CAST: variants seen among roughly 807,000 people sequenced by gnomAD.
CAST encodes the protein calpastatin, also known as MIR583 host.
A neutral mutation model predicts 119.6 loss-of-function variants in CAST; 76 were observed. The ratio of observed to expected loss-of-function variants is 0.64; its 90% CI spans 0.53 to 0.77. The LOEUF is 0.77. Among genes scored for constraint, CAST ranks in the 30% least tolerant of loss-of-function variants. The pLI, the probability that CAST is intolerant of heterozygous loss-of-function variation, is 0.00. For missense variants in CAST, 953 were observed against 946.5 expected (o/e 1.01, Z -0.09); for synonymous variants, 319 against 331.6 (o/e 0.96, Z 0.41).
At chr5:96,107,052 C>T in the CAST span, among the ~76,000 whole-genome samples, 18 of 142,906 alleles carry the variant, frequency 1.3e-4, no homozygotes, top group African/African-American at 4.7e-4. Flanking sequence ...CAACCCCTGC[C>T]TTTTTTTGTT....
chr5:96,181,536 C>T, the CAST span, among the ~76,000 whole-genome samples: 2 of 152,178 alleles, frequency 1.3e-5, no homozygotes, highest in Admixed American at 1.3e-4. Flanking sequence ...CTCTCCATTG[C>T]GTAGCTGTGA....
the CAST span, among the ~76,000 whole-genome samples, chr5:96,005,707 A>G: frequency 6.6e-6 from 1 of 152,176 alleles, no homozygotes; most frequent in Non-Finnish European, 1.5e-5. Context: ...AACGTGTGAT[A>G]GGGGAAACTG....
chr5:96,400,016 C>T, the CAST span: 1 of 1,614,206 alleles, frequency 6.2e-7, no homozygotes. Context: ...CCTCCAGGTC[C>T]TGGGGTCAGC....
the CAST span, among the ~76,000 whole-genome samples, chr5:96,053,248 A>G: frequency 0.06 from 9,194 of 152,174 alleles, 568 homozygotes; most frequent in African/African-American, 0.14. Context: ...AATTGGTCTG[A>G]GGTACAGCCT....
At chr5:96,688,463 T>C (rs1460990722) in intron 2 of CAST, among the ~76,000 whole-genome samples, 2 of 152,162 alleles carry the variant, frequency 1.3e-5, no homozygotes, top group Non-Finnish European at 2.9e-5. Context: ...TTATTTATAA[T>C]AACAACAAAC....
chr5:96,178,977 T>G, the CAST span, among the ~76,000 whole-genome samples: 1 of 152,214 alleles, frequency 6.6e-6, no homozygotes, highest in Non-Finnish European at 1.5e-5. Context: ...GAGAGAAACT[T>G]AGGGGTTCCC....
At chr5:96,173,440 AC>A in the CAST span, among the ~76,000 whole-genome samples, 3 of 152,244 alleles carry the variant, frequency 2.0e-5, no homozygotes, top group Admixed American at 2.0e-4. Context: ...AATGGTACTT[AC>A]AAGGAGCTTA....
At chr5:96,701,596 G>A (rs923534175) in intron 3 of CAST, among the ~76,000 whole-genome samples, 8 of 152,114 alleles carry the variant, frequency 5.3e-5, no homozygotes, top group African/African-American at 1.4e-4. Flanking sequence ...CTTCAGGTCA[G>A]GAGTTCGAGA....
the CAST span, chr5:96,393,328 G>T: frequency 5.6e-6 from 9 of 1,614,020 alleles, no homozygotes; most frequent in Non-Finnish European, 7.6e-6. Context: ...TGCTGCTGGG[G>T]CTTTTGGACA....
rs151014574 is a variant in CAST, at chr5:96,633,564, T to C, written c.61-41975T>C. ...GACCTTTAGTTCCCCTAAGTGAGAATTGACAACTCCATTCAATGTCATGTC... is the reference window on the plus strand; with the variant it reads ...GACCTTTAGTTCCCCTAAGTGAGAACTGACAACTCCATTCAATGTCATGTC... On this transcript the variant is annotated intron_variant, in intron 1 of 11. Transcript: ENST00000505143. 4.5e-4 allele frequency among the ~76,000 whole-genome samples: 68 copies of C among 152,356 alleles called. 1 individual carries two copies. The East Asian group carries it at 0.01, about 23-fold the overall frequency.
chr5:96,048,647 C>T, the CAST span, among the ~76,000 whole-genome samples: 1 of 152,042 alleles, frequency 6.6e-6, no homozygotes, highest in African/African-American at 2.4e-5. Flanking sequence ...AAAATGATTG[C>T]CTCAAATCTC....
intron 1 of CAST, among the ~76,000 whole-genome samples, chr5:96,535,301 T>C (rs1307382113): frequency 1.3e-5 from 2 of 152,194 alleles, no homozygotes; most frequent in African/African-American, 4.8e-5. Context: ...GCACAGCGAA[T>C]ACTGAAAGCA....
At chr5:96,538,206 T>C (rs539818602) in intron 1 of CAST, among the ~76,000 whole-genome samples, 1 of 152,344 alleles carries the variant, frequency 6.6e-6, no homozygotes, top group East Asian at 1.9e-4. Context: ...ACATAGGTTA[T>C]CAAGAGCAGT....
At chr5:96,394,786 A>C in the CAST span, 4 of 1,329,898 alleles carry the variant, frequency 3.0e-6, no homozygotes, top group Non-Finnish European at 4.3e-6. Context: ...TCCTGCTTGG[A>C]AGTTGGGTAC....
the CAST span, among the ~76,000 whole-genome samples, chr5:96,191,056 G>T: frequency 1.0e-3 from 154 of 152,284 alleles, 1 homozygote; most frequent in Middle Eastern, 6.8e-3. Context: ...CAAAGGATAT[G>T]ATTTCATTCT....
chr5:96,014,376 CT>C, the CAST span, among the ~76,000 whole-genome samples: 4,039 of 151,872 alleles, frequency 0.027, 175 homozygotes, highest in African/African-American at 0.091. Flanking sequence ...CCTAAGTTAA[CT>C]TTTTTTTATT....
intron 18 of CAST, among the ~76,000 whole-genome samples, chr5:96,747,613 T>A (rs1356760870): frequency 6.6e-6 from 1 of 152,166 alleles, no homozygotes; most frequent in Non-Finnish European, 1.5e-5. Context: ...GACTATAAAT[T>A]TCTAGGTAAA....
the CAST span, among the ~76,000 whole-genome samples, chr5:96,031,232 CAAAA>C: frequency 1.6e-5 from 1 of 63,668 alleles, no homozygotes; most frequent in African/African-American, 6.0e-5. Context: ...AGAACATGAC[CAAAA>C]AAAAAAAAAA....
the CAST span, among the ~76,000 whole-genome samples, chr5:96,022,850 TG>T: frequency 8.9e-4 from 136 of 152,326 alleles, 3 homozygotes; most frequent in Admixed American, 1.8e-3. Flanking sequence ...AGGAAACCTC[TG>T]TTTTCTGCTC....
Sources: gnomAD v4.1 joint callset for allele counts (sites outside exome capture counted in the v4.1 genomes callset) on GRCh38, gnomAD v4.1.1 for gene constraint, MANE v1.5 for transcripts, NCBI Gene and HGNC (gene_info 2026-07-23, HGNC 2026-07-21) for gene names.